Variants in KCNIP4 observed in about 807,000 individuals in gnomAD.
KCNIP4 encodes Kv channel-interacting protein 4.
In KCNIP4, 12 loss-of-function variants were observed where a neutral mutation model predicts 34.0. The ratio of observed to expected loss-of-function variants is 0.35; its 90% CI spans 0.23 to 0.57. The LOEUF (loss-of-function observed/expected upper bound fraction) is 0.57. Among genes scored for constraint, KCNIP4 ranks in the 20% least tolerant of loss-of-function variants. The pLI, the probability that KCNIP4 is intolerant of heterozygous loss-of-function variation, is 0.83. For synonymous variants in KCNIP4, 124 were observed against 102.2 expected (o/e 1.21, Z -1.29); for missense variants, 238 against 311.7 (o/e 0.76, Z 1.78).
intron 1 of KCNIP4, among the ~76,000 whole-genome samples, chr4:21,191,295 G>A (rs1456979240): frequency 1.3e-5 from 2 of 152,172 alleles, no homozygotes; most frequent in African/African-American, 2.4e-5. Context: ...GTTAAAATGC[G>A]TGATAGGGCG....
intron 1 of KCNIP4, among the ~76,000 whole-genome samples, chr4:20,893,494 C>T (rs535072183): frequency 6.6e-6 from 1 of 152,102 alleles, no homozygotes; most frequent in Admixed American, 6.5e-5. Context: ...TTGATCATGG[C>T]TCACTGCAGC....
chr4:21,045,433 C>T (rs976783350), intron 1 of KCNIP4, among the ~76,000 whole-genome samples: 35 of 152,220 alleles, frequency 2.3e-4, no homozygotes, highest in Admixed American at 1.8e-3. Flanking sequence ...TCCTAATCTC[C>T]GTGATCTGCT....
chr4:20,865,620 A>T (rs1182746340), intron 2 of KCNIP4, among the ~76,000 whole-genome samples: 1 of 152,052 alleles, frequency 6.6e-6, no homozygotes, highest in East Asian at 1.9e-4. Context: ...AGAAAGAAAA[A>T]TATTGCATGA....
intron 1 of KCNIP4, among the ~76,000 whole-genome samples, chr4:21,328,966 G>A (rs961970780): frequency 2.0e-5 from 3 of 152,202 alleles, no homozygotes; most frequent in Non-Finnish European, 4.4e-5. Flanking sequence ...CTCCATTCAG[G>A]GCAGTGGGCT....
chr4:20,801,718 T>C (rs1714257538), intron 3 of KCNIP4, among the ~76,000 whole-genome samples: 1 of 151,800 alleles, frequency 6.6e-6, no homozygotes, highest in Admixed American at 6.6e-5. Context: ...GAATAAAAGC[T>C]TAATACTACA....
chr4:20,766,893 G>T (rs1485540174), intron 3 of KCNIP4: 1 of 149,870 alleles, frequency 6.7e-6, no homozygotes, highest in East Asian at 2.0e-4. Flanking sequence ...TGGGAGCTGT[G>T]TAGCTTCAGG....
intron 1 of KCNIP4, among the ~76,000 whole-genome samples, chr4:21,621,578 G>A (rs1745000654): frequency 6.6e-6 from 1 of 151,988 alleles, no homozygotes; most frequent in African/African-American, 2.4e-5. Flanking sequence ...GGCTGTTCTT[G>A]AACTCCTGGG....
intron 1 of KCNIP4, among the ~76,000 whole-genome samples, chr4:21,251,756 A>G (rs1017359918): frequency 1.1e-4 from 16 of 151,834 alleles, no homozygotes; most frequent in African/African-American, 3.9e-4. Flanking sequence ...GTAAACTATC[A>G]CAAGAACAAA....
intron 1 of KCNIP4, among the ~76,000 whole-genome samples, chr4:20,994,665 A>G (rs1195581555): frequency 6.6e-6 from 1 of 152,236 alleles, no homozygotes; most frequent in African/African-American, 2.4e-5. Flanking sequence ...TTCTTCCCAC[A>G]AAGAATGTCC....
At chr4:20,983,536 G>C (rs1736293861) in intron 1 of KCNIP4, among the ~76,000 whole-genome samples, 1 of 152,096 alleles carries the variant, frequency 6.6e-6, no homozygotes, top group Non-Finnish European at 1.5e-5. Flanking sequence ...CCATAGGAGA[G>C]AGTCCTAACT....
At chr4:21,200,587 G>C (rs772313675) in intron 1 of KCNIP4, among the ~76,000 whole-genome samples, 3 of 151,690 alleles carry the variant, frequency 2.0e-5, no homozygotes, top group Non-Finnish European at 4.4e-5. Flanking sequence ...TAAACTATGG[G>C]TATGAAAAGG....
At chr4:21,703,895 G>T (rs930801419) in intron 1 of KCNIP4, among the ~76,000 whole-genome samples, 1 of 152,160 alleles carries the variant, frequency 6.6e-6, no homozygotes, top group Non-Finnish European at 1.5e-5. Flanking sequence ...TGAAAAGTAA[G>T]TCTTGAAATC....
chr4:21,236,344 T>G (rs1203899599), intron 1 of KCNIP4, among the ~76,000 whole-genome samples: 2 of 152,190 alleles, frequency 1.3e-5, no homozygotes, highest in Non-Finnish European at 2.9e-5. Context: ...AGAACTGGAC[T>G]GGTGACATTT....
intron 1 of KCNIP4, among the ~76,000 whole-genome samples, chr4:21,528,739 GAAAGAAAGAAAGAAAGA>G (rs1736279361): frequency 1.8e-4 from 1 of 5,710 alleles, no homozygotes; most frequent in African/African-American, 8.4e-4. Context: ...AAGAAAGAAA[GAAAGAAAGAAAGAAAGA>G]AAGAAAGAAA....
chr4:21,120,269 G>T (rs1011291920), intron 1 of KCNIP4, among the ~76,000 whole-genome samples: 1 of 152,176 alleles, frequency 6.6e-6, no homozygotes, highest in Non-Finnish European at 1.5e-5. Flanking sequence ...AAATATCACA[G>T]ACTAGGGGGC....
At chr4:21,305,660 G>A (rs888365762) in intron 1 of KCNIP4, among the ~76,000 whole-genome samples, 1 of 152,172 alleles carries the variant, frequency 6.6e-6, no homozygotes, top group African/African-American at 2.4e-5. Context: ...GTACCTCCTT[G>A]AGGATTGCAC....
At chr4:21,166,136 A>G (rs896875517) in intron 1 of KCNIP4, among the ~76,000 whole-genome samples, 1 of 152,202 alleles carries the variant, frequency 6.6e-6, no homozygotes, top group African/African-American at 2.4e-5. Context: ...GTTTTTTGTT[A>G]TAGCATCACA....
At chr4:20,743,904 G>T (rs1751779750) in intron 5 of KCNIP4, among the ~76,000 whole-genome samples, 1 of 149,314 alleles carries the variant, frequency 6.7e-6, no homozygotes, top group Non-Finnish European at 1.5e-5. Context: ...AATCTACAAA[G>T]AAATTAAATT....
In KCNIP4 at chr4:20,734,690, C is replaced by T; in HGVS notation, c.475G>A (p.Glu159Lys). 1 of 1,602,240 alleles carries T rather than the reference C, an allele frequency of 6.2e-7. No homozygotes were observed. Among genetic ancestry groups the T allele is most frequent in the East Asian group, 2.2e-5 (1 of 44,488 alleles). ...LSILLRGTVQ[E>K]KLNWAFNLYD... ...AGATTAAATGCCCAATTGAGTTTTTCTTGTACTGTCCCCCGGAGCAAAATG... is the reference window on the plus strand; with the variant it reads ...AGATTAAATGCCCAATTGAGTTTTTTTTGTACTGTCCCCCGGAGCAAAATG... Residue 159 changes from glutamate to lysine, a missense_variant, in exon 6 of 9, where the codon GAA (glutamate) becomes AAA (lysine). Transcript: ENST00000382152.
Sources: gnomAD v4.1 joint callset for allele counts (sites outside exome capture counted in the v4.1 genomes callset) on GRCh38, gnomAD v4.1.1 for gene constraint, MANE v1.5 for transcripts, NCBI Gene and HGNC (gene_info 2026-07-23, HGNC 2026-07-21) for gene names.